Variants in MFSD6 observed in about 807,000 individuals in gnomAD.
The protein encoded by MFSD6 is major facilitator superfamily domain-containing protein 6.
MFSD6 carries 26 observed loss-of-function variants against 56.3 expected under a neutral mutation model. The ratio of observed to expected loss-of-function variants is 0.46; its 90% CI spans 0.34 to 0.64. The LOEUF is 0.64. Among genes scored for constraint, MFSD6 ranks in the 30% least tolerant of loss-of-function variants. MFSD6 has a pLI of 0.01. For missense variants in MFSD6, 750 were observed against 986.2 expected, an observed-to-expected ratio of 0.76 and a Z score of 3.21; for synonymous variants, 331 against 366.9, an observed-to-expected ratio of 0.90 and a Z score of 1.12.
Position 190,488,425 on chromosome 2 carries a change from T to A in MFSD6, c.1631-232T>A, listed in dbSNP as rs1288970265. 2.0e-5 allele frequency among the ~76,000 whole-genome samples: 3 copies of A among 152,150 alleles called. No individual in the cohort carries two copies. The highest frequency in any genetic ancestry group is 6.5e-5 in the Admixed American group (1 of 15,278). On this transcript the variant is annotated intron_variant, in intron 4 of 7. Coordinates refer to ENST00000392328, the MANE Select transcript of MFSD6 (RefSeq NM_017694.4). This position sits in a 1 kb window ranked among gnomAD's most constrained non-coding sequence, Gnocchi z 6.4. ...TTTAAGGGGTACAGAATTTTTGTTGTGGTGGTGAAAAAGTTCTGGAGATGG... is the reference window on the plus strand; with the variant it reads ...TTTAAGGGGTACAGAATTTTTGTTGAGGTGGTGAAAAAGTTCTGGAGATGG...
At chr2:190,470,020 C>G (rs1574182600) in intron 4 of MFSD6, among the ~76,000 whole-genome samples, 165 bp downstream of exon 4, 2 of 152,232 alleles carry the variant, frequency 1.3e-5, no homozygotes, top group Admixed American at 1.3e-4. Context: ...AGGGATGGTT[C>G]CTTGGTTACC....
chr2:190,482,873 T>TA (rs1467481777), intron 4 of MFSD6, among the ~76,000 whole-genome samples: 3 of 21,894 alleles, frequency 1.4e-4, no homozygotes, highest in African/African-American at 2.4e-4. Context: ...ATCATCTTTT[T>TA]TTTTTTTTTT....
chr2:190,460,972 G>A (rs184728314), intron 3 of MFSD6, among the ~76,000 whole-genome samples: 6 of 152,270 alleles, frequency 3.9e-5, no homozygotes, highest in South Asian at 2.1e-4. Flanking sequence ...AAGCACTCTT[G>A]TTAAGTCTGA....
rs1686010404 is a variant in MFSD6, at chr2:190,431,711, GACTGT to G, written c.-53-4265_-53-4261del. Among the ~76,000 whole-genome samples, 1 of 152,078 alleles carries G rather than the reference GACTGT, an allele frequency of 6.6e-6. No homozygotes were observed. Among genetic ancestry groups the G allele is most frequent in the African/African-American group, 2.4e-5 (1 of 41,434 alleles). ...GACCGTGGAAAGAGAGGGAGAGGGA[GACTGT>G]GGGGAGAGGGAGGGAGAGGGAGAGG... On this transcript the variant is annotated intron_variant, in intron 2 of 7. Transcript: ENST00000392328. This position sits in a 1 kb window ranked among gnomAD's most constrained non-coding sequence, Gnocchi z 4.4.
At chr2:190,408,031 T>C (rs568482682), upstream of MFSD6, among the ~76,000 whole-genome samples, 1 of 152,196 alleles carries the variant, frequency 6.6e-6, no homozygotes, top group South Asian at 2.1e-4. Flanking sequence ...CTCCTCAGCG[T>C]GCTCCCCGGG....
At chr2:190,455,934 CTT>C (rs34054506) in intron 3 of MFSD6, among the ~76,000 whole-genome samples, 2 of 65,388 alleles carry the variant, frequency 3.1e-5, no homozygotes, top group South Asian at 7.7e-4. Flanking sequence ...ATTTACTCTG[CTT>C]TTTTTTTTTT....
rs1689257264 is a variant in MFSD6 at position 190,490,242 on chromosome 2, CTA to C, written c.1891+378_1891+379del. Among the ~76,000 whole-genome samples the C allele has an allele frequency of 6.6e-6, 1 of 150,520 alleles. No individual in the cohort carries two copies. The highest frequency in any genetic ancestry group is 1.5e-5 in the Non-Finnish European group (1 of 67,598). ...GATAGGGAGTGAGTGGTAATCTTCT[CTA>C]TGACTTACCTTCATTTGTTAAAAAA... On this transcript the variant is annotated intron_variant, in intron 6 of 7. Coordinates refer to ENST00000392328, the MANE Select transcript of MFSD6 (RefSeq NM_017694.4). This position sits in a 1 kb window ranked among gnomAD's most constrained non-coding sequence, Gnocchi z 4.5.
rs980150267 is a variant in MFSD6 at position 190,463,372 on chromosome 2, C to G, written c.1533-6386C>G. Among the ~76,000 whole-genome samples the G allele has an allele frequency of 1.3e-5, 2 of 152,124 alleles. No homozygotes were observed. The highest frequency in any genetic ancestry group is 2.9e-5 in the Non-Finnish European group (2 of 68,020). ...GATTATGTAGAAATAAGCTTCATTC[C>G]TGGGGAGGAGGGCACATCAAGTGCT... On this transcript the variant is annotated intron_variant, in intron 3 of 7. Transcript: ENST00000392328. This position sits in a 1 kb window ranked among gnomAD's most constrained non-coding sequence, Gnocchi z 4.4.
In MFSD6 at chr2:190,485,103, T is replaced by C. The variant is rs1314384947; in HGVS notation, c.1631-3554T>C. ...TTCTAAGAATAGTTTAAAAGCATCC[T>C]GACTTAAGTCATCCCACTGGAAAAT... On this transcript the variant is annotated intron_variant, in intron 4 of 7. Coordinates refer to ENST00000392328, the MANE Select transcript of MFSD6 (RefSeq NM_017694.4). The surrounding 1 kb of genome is among the most constrained non-coding windows in gnomAD (Gnocchi z 5.1). 6.6e-6 allele frequency among the ~76,000 whole-genome samples: 1 copy of C among 152,224 alleles called. No individual in the cohort carries two copies. Among genetic ancestry groups the C allele is most frequent in the Non-Finnish European group, 1.5e-5 (1 of 68,028 alleles).
chr2:190,464,958 A>G, intron 3 of MFSD6: 1 of 962,976 alleles, frequency 1.0e-6, no homozygotes, highest in Non-Finnish European at 1.2e-6. Context: ...TTAAATTTAG[A>G]AAAGTAGGGT....
chr2:190,442,873 G>A (rs1686432964), intron 3 of MFSD6: 1 of 152,132 alleles, frequency 6.6e-6, no homozygotes, highest in African/African-American at 2.4e-5. Context: ...TCGGGAATGT[G>A]GATAAGATCA....
chr2:190,437,569 C>G lies in MFSD6; in HGVS notation c.1532+8C>G. The G allele has an allele frequency of 6.2e-7, 1 of 1,607,194 alleles. No homozygotes were observed. The highest frequency in any genetic ancestry group is 8.5e-7 in the Non-Finnish European group (1 of 1,175,044). On this transcript the variant is annotated splice_region_variant and intron_variant, in intron 3 of 7. Transcript: ENST00000392328. This position sits in a 1 kb window ranked among gnomAD's most constrained non-coding sequence, Gnocchi z 5.9. ...ATTGATCGGCCACATCAGGTAAGAA[C>G]ATGCTTACGATTGCTGCCCCTCAGC...
At position 190,469,974 on chromosome 2, in the gene MFSD6, T is replaced by C; in HGVS notation, c.1630+119T>C. ...AGGGCAGGCCTACTGTTTCATGTGATTTTGAAGTGGTTGTTAAGGAAGAGA... is the reference window on the plus strand; with the variant it reads ...AGGGCAGGCCTACTGTTTCATGTGACTTTGAAGTGGTTGTTAAGGAAGAGA... On this transcript the variant is annotated intron_variant, in intron 4 of 7. Transcript: ENST00000392328. The surrounding 1 kb of genome is among the most constrained non-coding windows in gnomAD (Gnocchi z 5.3). 1 of 667,320 alleles carries C rather than the reference T, an allele frequency of 1.5e-6. No homozygotes were observed. Among genetic ancestry groups the C allele is most frequent in the Non-Finnish European group, 2.5e-6 (1 of 398,398 alleles). The allele number at this position is 667,320 out of a possible 1,614,324, so 41.3% of individuals were successfully genotyped here.
intron 4 of MFSD6, among the ~76,000 whole-genome samples, chr2:190,476,048 T>C (rs1359543235): frequency 6.6e-6 from 1 of 152,208 alleles, no homozygotes; most frequent in Non-Finnish European, 1.5e-5. Flanking sequence ...TTACACCTTA[T>C]ACAGAAATTA....
intron 3 of MFSD6, among the ~76,000 whole-genome samples, chr2:190,444,546 G>T (rs1463445818): frequency 1.3e-5 from 2 of 152,226 alleles, no homozygotes; most frequent in Non-Finnish European, 2.9e-5. Flanking sequence ...TTTCTTTTTA[G>T]TGTAGGGGAG....
At chr2:190,427,083 C>T (rs559990480) in intron 2 of MFSD6, among the ~76,000 whole-genome samples, 3 of 152,342 alleles carry the variant, frequency 2.0e-5, no homozygotes, top group South Asian at 2.1e-4. Context: ...CTCCTTACTG[C>T]TGGCCAGTGG....
chr2:190,450,163 T>C (rs1261892652), intron 3 of MFSD6, among the ~76,000 whole-genome samples: 2 of 152,178 alleles, frequency 1.3e-5, no homozygotes, highest in African/African-American at 4.8e-5. Context: ...TAATAGAGTG[T>C]CAGTTTACTG....
chr2:190,476,114 A>G (rs28853385), intron 4 of MFSD6, among the ~76,000 whole-genome samples: 45,119 of 151,424 alleles, frequency 0.3, 7,385 homozygotes, highest in East Asian at 0.46. Context: ...AAACCCTAGA[A>G]GAAAACCTAG....
In MFSD6 at chr2:190,496,123, G is replaced by A. The variant is rs1341400872; in HGVS notation, c.1892-1316G>A. Among the ~76,000 whole-genome samples, 5 of 150,944 alleles carry A rather than the reference G, an allele frequency of 3.3e-5. No individual in the cohort carries two copies. The highest frequency in any genetic ancestry group is 1.3e-4 in the Admixed American group (2 of 15,162). ...AGGACTAATATCCAGAATCTATGAC[G>A]AACTCAAACAAATTAGCAAGAAAAA... On this transcript the variant is annotated intron_variant, in intron 6 of 7. Coordinates refer to ENST00000392328, the MANE Select transcript of MFSD6 (RefSeq NM_017694.4). This position sits in a 1 kb window ranked among gnomAD's most constrained non-coding sequence, Gnocchi z 4.7.
Sources: allele counts gnomAD v4.1 joint callset (sites outside exome capture counted in the v4.1 genomes callset), GRCh38; gene constraint gnomAD v4.1.1; non-coding constraint Gnocchi (gnomAD v3.1); transcripts MANE v1.5; gene names NCBI Gene and HGNC (gene_info 2026-07-23, HGNC 2026-07-21).